The following SLC30A6 variants were observed in gnomAD, a reference collection of about 807,000 sequenced individuals.
SLC30A6 encodes solute carrier family 30 member 6.
SLC30A6 carries 55 observed loss-of-function variants against 63.0 expected under a neutral mutation model. The ratio of observed to expected loss-of-function variants is 0.87; its 90% confidence interval spans 0.70 to 1.09. The LOEUF (loss-of-function observed/expected upper bound fraction) is 1.09. Ranked by LOEUF, SLC30A6 falls within the 50% of genes least tolerant of loss-of-function variation. SLC30A6 has a pLI of 0.00. For synonymous variants in SLC30A6, 224 were observed against 186.1 expected (o/e 1.20, Z -1.66); for missense variants, 587 against 549.2 (o/e 1.07, Z -0.69).
chr2:32,194,080 A>G, intron 8 of SLC30A6, 97 bp downstream of exon 8: 4 of 974,234 alleles, frequency 4.1e-6, no homozygotes, highest in South Asian at 1.6e-5. Context: ...ATGAAGAAGT[A>G]TATTCTGAAG....
intron 13 of SLC30A6, among the ~76,000 whole-genome samples, chr2:32,216,773 G>A (rs948578931): frequency 2.0e-5 from 3 of 151,646 alleles, no homozygotes; most frequent in Non-Finnish European, 4.4e-5. Flanking sequence ...TGCTTGTTCA[G>A]TTTTTAAGTT....
At chr2:32,212,894 A>ATTTTTTTTTTTTTTTTTT (rs10522618) in intron 13 of SLC30A6, among the ~76,000 whole-genome samples, 1 of 118,258 alleles carries the variant, frequency 8.5e-6, no homozygotes, top group African/African-American at 3.2e-5. Flanking sequence ...TGTGTCCAGC[A>ATTTTTTTTTTTTTTTTTT]TTTTTTTTTT....
intron 4 of SLC30A6, among the ~76,000 whole-genome samples, chr2:32,179,849 A>G (rs1176277813): frequency 1.3e-5 from 2 of 152,250 alleles, no homozygotes; most frequent in Non-Finnish European, 2.9e-5. Context: ...GTCTTTGAAG[A>G]GGAAGACTCT....
At chr2:32,175,152 A>G (rs930587271) in intron 3 of SLC30A6, among the ~76,000 whole-genome samples, 167 bp from the exon 4 acceptor site, 1 of 152,152 alleles carries the variant, frequency 6.6e-6, no homozygotes, top group South Asian at 2.1e-4. Context: ...AACTTTGGCT[A>G]CATATATTTA....
At chr2:32,202,419 G>A (rs1027465958) in intron 10 of SLC30A6, 23 of 254,694 alleles carry the variant, frequency 9.0e-5, no homozygotes, top group Non-Finnish European at 1.4e-4. Flanking sequence ...AAGCTCCGCC[G>A]CCCGGGTTCA....
At chr2:32,213,477 G>T (rs995187739) in intron 13 of SLC30A6, among the ~76,000 whole-genome samples, 2 of 152,022 alleles carry the variant, frequency 1.3e-5, no homozygotes, top group Admixed American at 1.3e-4. Flanking sequence ...TTTCCATTAA[G>T]TCTTGTTAGC....
At chr2:32,218,063 G>A (rs1029427831) in intron 13 of SLC30A6, among the ~76,000 whole-genome samples, 10 of 151,788 alleles carry the variant, frequency 6.6e-5, no homozygotes, top group Non-Finnish European at 1.2e-4. Context: ...CAGGCTGGGG[G>A]AGTCTGTGTG....
chr2:32,215,787 CTCAACCCTCTAGGCTCAAGCAGTCT>C (rs1685654123), intron 13 of SLC30A6, among the ~76,000 whole-genome samples: 2 of 152,124 alleles, frequency 1.3e-5, no homozygotes, highest in South Asian at 4.1e-4. Flanking sequence ...TCACTGCAGC[CTCAACCCTCTAGGCTCAAGCAGTCT>C]TCCTGCCTCA....
At chr2:32,209,118 G>A (rs1685037475) in intron 12 of SLC30A6, among the ~76,000 whole-genome samples, 1 of 152,150 alleles carries the variant, frequency 6.6e-6, no homozygotes, top group Non-Finnish European at 1.5e-5. Context: ...AGAAAGAAGT[G>A]ATTGAGAAAA....
At chr2:32,216,094 C>G (rs1183708293) in intron 13 of SLC30A6, among the ~76,000 whole-genome samples, 1 of 152,180 alleles carries the variant, frequency 6.6e-6, no homozygotes, top group Non-Finnish European at 1.5e-5. Context: ...ATTGCTGGGT[C>G]AAATGGTAGT....
chr2:32,173,983 A>T, intron 2 of SLC30A6, 80 bp from the exon 3 acceptor site: 2 of 1,011,078 alleles, frequency 2.0e-6, no homozygotes, highest in Non-Finnish European at 1.5e-6. Flanking sequence ...TGAATATCAG[A>T]GTATAAATTG....
At position 32,204,218 on chromosome 2, in the gene SLC30A6, TTAAAA is replaced by T. The variant is rs758519673; in HGVS notation, c.666-371_666-367del. ...AAAAACCTCTTTTTATTGTCTCTTT[TTAAAA>T]AAAAATTACTAGTTGAAGTTTTTTG... On this transcript the variant is annotated intron_variant, in intron 10 of 13. Transcript: ENST00000282587. Among the ~76,000 whole-genome samples the T allele has an allele frequency of 6.8e-3, 1,038 of 152,036 alleles. 4 individuals are homozygous for T. The highest frequency in any genetic ancestry group is 0.012 in the Non-Finnish European group (784 of 67,984).
chr2:32,215,515 TA>T (rs1299458785), intron 13 of SLC30A6, among the ~76,000 whole-genome samples: 371 of 76,428 alleles, frequency 4.9e-3, no homozygotes, highest in East Asian at 8.9e-3. Flanking sequence ...TATATATATA[TA>T]TTTTTTTTTT....
chr2:32,201,577 G>C (rs1684299944), intron 10 of SLC30A6: 2 of 1,384,212 alleles, frequency 1.4e-6, no homozygotes, highest in African/African-American at 2.9e-5. Flanking sequence ...ACTGTGCCCG[G>C]AGGGAGGCAG....
At chr2:32,202,644 T>C (rs2148878380) in intron 10 of SLC30A6, 1 of 580,620 alleles carries the variant, frequency 1.7e-6, no homozygotes, top group Middle Eastern at 2.9e-4. Context: ...ATTGGATCTT[T>C]CTAAACTGTG....
intron 4 of SLC30A6, among the ~76,000 whole-genome samples, chr2:32,177,275 C>T (rs941486375): frequency 2.5e-4 from 38 of 152,104 alleles, no homozygotes; most frequent in African/African-American, 8.5e-4. Context: ...GTCTTCTTAG[C>T]ACAATGCTTT....
chr2:32,209,381 G>C, intron 12 of SLC30A6, 112 bp from the exon 13 acceptor site: 1 of 748,830 alleles, frequency 1.3e-6, no homozygotes, highest in Non-Finnish European at 2.2e-6. Context: ...GAGTGTCCTT[G>C]TGCAGGATTT....
intron 12 of SLC30A6, among the ~76,000 whole-genome samples, chr2:32,207,694 T>A (rs1684898794): frequency 8.7e-6 from 1 of 115,100 alleles, no homozygotes; most frequent in Non-Finnish European, 1.8e-5. Flanking sequence ...ACTTCTGTAT[T>A]TTTTTTTTTT....
At chr2:32,181,201 G>A (rs1379958093) in intron 4 of SLC30A6, among the ~76,000 whole-genome samples, 3 of 152,024 alleles carry the variant, frequency 2.0e-5, no homozygotes, top group African/African-American at 7.3e-5. Flanking sequence ...TTAATAAATG[G>A]GTACTGATTT....
Sources: allele counts gnomAD v4.1 joint callset (sites outside exome capture counted in the v4.1 genomes callset), GRCh38; gene constraint gnomAD v4.1.1; transcripts MANE v1.5; gene names NCBI Gene and HGNC (gene_info 2026-07-23, HGNC 2026-07-21).